MAPKAPK5: variants seen among roughly 807,000 people sequenced by gnomAD.
MAPKAPK5 encodes the protein MAPK activated protein kinase 5, also known as MAP kinase-activated protein kinase 5.
MAPKAPK5 carries 30 observed loss-of-function variants against 65.1 expected under a neutral mutation model. The ratio of observed to expected loss-of-function variants is 0.46; its 90% CI spans 0.34 to 0.63. The LOEUF is 0.63. MAPKAPK5 is among the 20% of genes least tolerant of loss of function. The pLI, the probability that MAPKAPK5 is intolerant of heterozygous loss-of-function variation, is 0.01. For synonymous variants in MAPKAPK5, 179 were observed against 204.6 expected (o/e 0.87, Z 1.07); for missense variants, 433 against 581.4 (o/e 0.74, Z 2.63).
At chr12:111,874,499 GCA>G (rs2069891865) in intron 7 of MAPKAPK5, among the ~76,000 whole-genome samples, 1 of 114,702 alleles carries the variant, frequency 8.7e-6, no homozygotes, top group African/African-American at 3.3e-5. Context: ...AGATGGAATT[GCA>G]CTCTTTGTTG....
At chr12:111,873,181 T>A (rs1257922746) in intron 7 of MAPKAPK5, among the ~76,000 whole-genome samples, 1 of 152,182 alleles carries the variant, frequency 6.6e-6, no homozygotes, top group Non-Finnish European at 1.5e-5. Context: ...CTGTAATTCA[T>A]CTGAGTTTGT....
Position 111,867,643 on chromosome 12 carries a change from C to T in MAPKAPK5, c.258C>T (p.Val86=). 6.2e-7 allele frequency: 1 copy of T among 1,613,786 alleles called. No individual in the cohort carries two copies. The highest frequency in any genetic ancestry group is 8.5e-7 in the Non-Finnish European group (1 of 1,179,792). Residue 86 remains valine (V), a synonymous_variant, in exon 4 of 14, where the codon GTC becomes GTT. Coordinates refer to ENST00000550735, the MANE Select transcript of MAPKAPK5 (RefSeq NM_003668.4). ...TTATTGAAGTGTTTGCTAACAGTGTCCAGTTTCCCCATGAGTCCAGCCCTA... is the reference window on the plus strand; with the variant it reads ...TTATTGAAGTGTTTGCTAACAGTGTTCAGTTTCCCCATGAGTCCAGCCCTA... The part of the protein sequence containing the change: ...VQIIEVFANS[V]QFPHESSPRA...
intron 1 of MAPKAPK5, among the ~76,000 whole-genome samples, chr12:111,844,081 C>T (rs1299102809): frequency 6.6e-6 from 1 of 152,180 alleles, no homozygotes; most frequent in Non-Finnish European, 1.5e-5. Context: ...CTTGGCCTCC[C>T]AAAATGGTGG....
At chr12:111,843,030 C>T (rs994158783) in intron 1 of MAPKAPK5, 11 of 399,228 alleles carry the variant, frequency 2.8e-5, no homozygotes, top group African/African-American at 1.6e-4. Flanking sequence ...GGCCTGGAGA[C>T]ACTATTAAGT....
intron 1 of MAPKAPK5, among the ~76,000 whole-genome samples, chr12:111,863,591 G>A (rs1000416856): frequency 6.6e-6 from 1 of 151,332 alleles, no homozygotes; most frequent in Admixed American, 6.6e-5. Flanking sequence ...CAACGTGAAA[G>A]TCTTATGGAT....
intron 3 of MAPKAPK5, among the ~76,000 whole-genome samples, 183 bp from the exon 4 acceptor site, chr12:111,867,387 CTG>C (rs1394100279): frequency 6.6e-6 from 1 of 152,170 alleles, no homozygotes; most frequent in Admixed American, 6.5e-5. Context: ...GGAAGTAAAT[CTG>C]TTGGTGAGTT....
chr12:111,857,244 C>CTTTTTTT (rs1347172253), intron 1 of MAPKAPK5, among the ~76,000 whole-genome samples: 11 of 140,382 alleles, frequency 7.8e-5, no homozygotes, highest in African/African-American at 7.8e-5. Flanking sequence ...TTTCTTTTTT[C>CTTTTTTT]TTTTTTTTTT....
At chr12:111,871,771 G>T (rs1179213460) in intron 7 of MAPKAPK5, among the ~76,000 whole-genome samples, 1 of 152,112 alleles carries the variant, frequency 6.6e-6, no homozygotes, top group African/African-American at 2.4e-5. Context: ...CCCATATGGC[G>T]ACCACCACAT....
chr12:111,869,098 T>C (rs923161333), intron 5 of MAPKAPK5, among the ~76,000 whole-genome samples: 10 of 147,628 alleles, frequency 6.8e-5, no homozygotes, highest in Non-Finnish European at 9.0e-5. Flanking sequence ...TGCTGTGAGA[T>C]TTCAATAAAC....
intron 12 of MAPKAPK5, 117 bp from the exon 13 acceptor site, chr12:111,889,923 T>G: frequency 1.5e-6 from 1 of 669,226 alleles, no homozygotes; most frequent in South Asian, 1.7e-5. Flanking sequence ...CTGGTGAAGT[T>G]TTGCACATTC....
intron 1 of MAPKAPK5, among the ~76,000 whole-genome samples, chr12:111,863,014 A>T (rs1430823825): frequency 6.6e-6 from 1 of 152,142 alleles, no homozygotes; most frequent in African/African-American, 2.4e-5. Context: ...TCTGTTGAGG[A>T]GGTGGTGAGT....
chr12:111,866,888 C>A (rs2069632282), intron 3 of MAPKAPK5, among the ~76,000 whole-genome samples: 2 of 152,178 alleles, frequency 1.3e-5, no homozygotes, highest in Admixed American at 1.3e-4. Flanking sequence ...AGGCGTGAGC[C>A]ACTGTGCCCG....
At chr12:111,842,802 T>A in intron 1 of MAPKAPK5, 33 bp downstream of exon 1, 2 of 1,304,844 alleles carry the variant, frequency 1.5e-6, no homozygotes, top group Non-Finnish European at 2.0e-6. Context: ...TCCCCCGCGT[T>A]GTCCTGTGGC....
At chr12:111,857,576 G>A (rs903916326) in intron 1 of MAPKAPK5, among the ~76,000 whole-genome samples, 1 of 152,148 alleles carries the variant, frequency 6.6e-6, no homozygotes, top group Non-Finnish European at 1.5e-5. Flanking sequence ...TCATACAGTA[G>A]CATTGCCATT....
At chr12:111,873,190 G>A (rs528686669) in intron 7 of MAPKAPK5, among the ~76,000 whole-genome samples, 2 of 152,086 alleles carry the variant, frequency 1.3e-5, no homozygotes, top group African/African-American at 4.8e-5. Context: ...ATCTGAGTTT[G>A]TGTGTGTATG....
chr12:111,854,179 C>G (rs2069168139), intron 1 of MAPKAPK5, among the ~76,000 whole-genome samples: 1 of 151,818 alleles, frequency 6.6e-6, no homozygotes, highest in Non-Finnish European at 1.5e-5. Context: ...AAAGTATACC[C>G]TCCTCTATGG....
At chr12:111,853,969 T>C (rs958622604) in intron 1 of MAPKAPK5, among the ~76,000 whole-genome samples, 1 of 152,242 alleles carries the variant, frequency 6.6e-6, no homozygotes, top group Non-Finnish European at 1.5e-5. Context: ...TTTCAGATAT[T>C]AAGCCAATCT....
chr12:111,873,424 A>G (rs1026663567), intron 7 of MAPKAPK5, among the ~76,000 whole-genome samples: 1 of 151,878 alleles, frequency 6.6e-6, no homozygotes, highest in Non-Finnish European at 1.5e-5. Context: ...ACTCACTGCA[A>G]CCTCTGCCTC....
intron 7 of MAPKAPK5, among the ~76,000 whole-genome samples, chr12:111,874,116 T>C (rs993969283): frequency 2.6e-5 from 4 of 152,192 alleles, no homozygotes; most frequent in African/African-American, 9.7e-5. Flanking sequence ...ACATTTCAGC[T>C]GGGCGTGGTG....
Sources: gnomAD v4.1 joint callset for allele counts (sites outside exome capture counted in the v4.1 genomes callset) on GRCh38, gnomAD v4.1.1 for gene constraint, MANE v1.5 for transcripts, NCBI Gene and HGNC (gene_info 2026-07-23, HGNC 2026-07-21) for gene names.